CFLAR: variants seen among roughly 807,000 people sequenced by gnomAD.
CFLAR encodes CASP8 and FADD-like apoptosis regulator.
Under a neutral mutation model 51.1 loss-of-function variants are expected in CFLAR, and 14 were observed. That is an observed-to-expected ratio of 0.27 (90% CI 0.18 to 0.43). The LOEUF (loss-of-function observed/expected upper bound fraction) is 0.43, where lower values mean the gene tolerates loss of function less well. Ranked by LOEUF, CFLAR falls within the 20% of genes least tolerant of loss-of-function variation. The pLI is 1.00. For missense variants in CFLAR, 390 were observed against 566.5 expected, an observed-to-expected ratio of 0.69 and a Z score of 3.16; for synonymous variants, 210 against 211.6, an observed-to-expected ratio of 0.99 and a Z score of 0.06.
chr2:201,138,078 C>A lies in CFLAR; in HGVS notation c.523+1971C>A. On this transcript the variant is annotated intron_variant, in intron 4 of 9. Transcript: ENST00000309955. This position sits in a 1 kb window ranked among gnomAD's most constrained non-coding sequence, Gnocchi z 4.0. ...CACTTCCTGGTTGATGTAGATGGAG[C>A]CGCGCAGTCCATGCCCCTGCCCAGC... is the stretch of plus-strand genomic sequence containing the variant. The A allele has an allele frequency of 1.4e-6, 1 of 730,592 alleles. No homozygotes were observed. Among genetic ancestry groups the A allele is most frequent in the South Asian group, 1.4e-5 (1 of 69,774 alleles). The allele number at this position is 730,592 out of a possible 1,614,324, so 45.3% of individuals were successfully genotyped here.
At chr2:201,125,671 TG>T (rs2048606048) in intron 1 of CFLAR, among the ~76,000 whole-genome samples, 3 of 149,574 alleles carry the variant, frequency 2.0e-5, no homozygotes, top group Middle Eastern at 3.4e-3. Flanking sequence ...AGTTGTGGAG[TG>T]TTGGAGGTTT....
At position 201,170,650 on chromosome 2, in the gene CFLAR, AATCT is replaced by A. The variant is rs1222780716; in HGVS notation, c.*6678_*6681del. ...AATCTGTTATTCTCCACCACCACTC[AATCT>A]GTCTATCATCTATCTCTCCATTCAT... On this transcript the variant is annotated 3_prime_UTR_variant, in exon 10 of 10. Coordinates refer to ENST00000309955, the MANE Select transcript of CFLAR (RefSeq NM_003879.7). The A allele has an allele frequency of 2.6e-5, 4 of 152,192 alleles. No individual in the cohort carries two copies. The highest frequency in any genetic ancestry group is 5.9e-5 in the Non-Finnish European group (4 of 68,024). 9.4% of individuals were successfully genotyped at this position (152,192 alleles called of 1,614,324 possible).
Position 201,154,905 on chromosome 2 carries a change from G to T in CFLAR, c.793+5070G>T, listed in dbSNP as rs1453986966. On this transcript the variant is annotated intron_variant, in intron 8 of 9. Transcript: ENST00000309955. ...TGGAGTCTGATCTCAGAGCTGTGTT[G>T]TGCATGAAATAAGGTTATTCTTTGG... is the stretch of plus-strand genomic sequence containing the variant. 2.0e-5 allele frequency among the ~76,000 whole-genome samples: 3 copies of T among 152,250 alleles called. No individual in the cohort carries two copies. The East Asian group carries it at 5.8e-4, about 29-fold the overall frequency.
chr2:201,159,629 T>C (rs1261525952), intron 8 of CFLAR, among the ~76,000 whole-genome samples: 1 of 152,222 alleles, frequency 6.6e-6, no homozygotes, highest in Non-Finnish European at 1.5e-5. Context: ...GTTTAATCCT[T>C]AGTTGTGGGC....
chr2:201,169,692 T>C lies in CFLAR; in HGVS notation c.*5719T>C, dbSNP rs1943894396. On this transcript the variant is annotated 3_prime_UTR_variant, in exon 10 of 10. Transcript: ENST00000309955. ...CAACCTACAGAATGGGAGAACATTT[T>C]TGCAATCTATCCATCTGACAAAGGT... The C allele has an allele frequency of 6.6e-6, 1 of 152,160 alleles. No individual in the cohort carries two copies. Among genetic ancestry groups the C allele is most frequent in the South Asian group, 2.1e-4 (1 of 4,834 alleles). 9.4% of individuals were successfully genotyped at this position (152,160 alleles called of 1,614,324 possible). A position where few individuals can be genotyped will look rare whatever the true frequency, so the allele number is the denominator to read the frequency against.
rs1485650194 is a variant in CFLAR, at chr2:201,164,778, T to C, written c.*805T>C. The C allele has an allele frequency of 6.6e-6, 1 of 152,204 alleles. No individual in the cohort carries two copies. Among genetic ancestry groups the C allele is most frequent in the Non-Finnish European group, 1.5e-5 (1 of 68,032 alleles). The allele number at this position is 152,204 out of a possible 1,614,324, so 9.4% of individuals were successfully genotyped here. ...AGTCCATTTGGGCAACTATACCAAATTACCATAGACCAGGTGACTTAAACA... is the reference window on the plus strand; with the variant it reads ...AGTCCATTTGGGCAACTATACCAAACTACCATAGACCAGGTGACTTAAACA... On this transcript the variant is annotated 3_prime_UTR_variant, in exon 10 of 10. Coordinates refer to ENST00000309955, the MANE Select transcript of CFLAR (RefSeq NM_003879.7).
intron 1 of CFLAR, among the ~76,000 whole-genome samples, chr2:201,126,585 T>C (rs1168679779): frequency 6.6e-6 from 1 of 152,148 alleles, no homozygotes; most frequent in Admixed American, 6.6e-5. Context: ...AAAACAAGGT[T>C]GGGCATTACA....
At chr2:201,132,430 A>AAAAAAAT (rs34318341) in intron 2 of CFLAR, among the ~76,000 whole-genome samples, 166 of 137,962 alleles carry the variant, frequency 1.2e-3, no homozygotes, top group African/African-American at 4.2e-3. Context: ...GGGGGGGAAA[A>AAAAAAAT]ATATATATAT....
chr2:201,146,396 C>T (rs2125827819), intron 6 of CFLAR: 1 of 152,330 alleles, frequency 6.6e-6, no homozygotes, highest in South Asian at 2.1e-4. Flanking sequence ...ATCCACCCAC[C>T]TCGGTCTCCC....
In CFLAR at chr2:201,116,828, G is replaced by C. The variant is rs925619437; in HGVS notation, c.-138+347G>C. 6.6e-6 allele frequency: 1 copy of C among 152,224 alleles called. No homozygotes were observed. Among genetic ancestry groups the C allele is most frequent in the Non-Finnish European group, 1.5e-5 (1 of 68,100 alleles). 9.4% of individuals were successfully genotyped at this position (152,224 alleles called of 1,614,324 possible). A position where few individuals can be genotyped will look rare whatever the true frequency, so the allele number is the denominator to read the frequency against. On this transcript the variant is annotated intron_variant, in intron 1 of 9. Transcript: ENST00000309955. The surrounding 1 kb of genome is among the most constrained non-coding windows in gnomAD (Gnocchi z 4.8). ...CCGCCCCGGATTCCCAGAAAGGGGCGACCTGGGCCACAGCGGTACAAGCTG... is the reference window on the plus strand; with the variant it reads ...CCGCCCCGGATTCCCAGAAAGGGGCCACCTGGGCCACAGCGGTACAAGCTG...
At chr2:201,137,366 C>G (rs993677051) in intron 4 of CFLAR, 1 of 359,622 alleles carries the variant, frequency 2.8e-6, no homozygotes, top group Admixed American at 3.8e-5. Flanking sequence ...GGGCTGCAGA[C>G]CCCTCAGAGC....
At chr2:201,141,412 T>A (rs1451431452) in intron 5 of CFLAR, 1 of 1,559,050 alleles carries the variant, frequency 6.4e-7, no homozygotes, top group East Asian at 2.3e-5. Flanking sequence ...ATCTGAAAAT[T>A]CTTGGAAATT....
chr2:201,140,059 C>T (rs1359887829), intron 4 of CFLAR: 5 of 251,236 alleles, frequency 2.0e-5, no homozygotes, highest in Middle Eastern at 1.2e-3. Flanking sequence ...CCGACATAAA[C>T]GCTGCAGCTG....
At chr2:201,149,878 G>A (rs765595939) in intron 8 of CFLAR, 43 bp downstream of exon 8, 8 of 1,432,406 alleles carry the variant, frequency 5.6e-6, no homozygotes, top group African/African-American at 1.4e-5. Flanking sequence ...CCCAGATTGA[G>A]ATCATGGCAC....
Position 201,176,003 on chromosome 2 carries a change from A to T in CFLAR, c.*12030A>T, listed in dbSNP as rs963199494. 6.6e-6 allele frequency: 1 copy of T among 152,294 alleles called. No individual in the cohort carries two copies. Among genetic ancestry groups the T allele is most frequent in the Non-Finnish European group, 1.5e-5 (1 of 68,164 alleles). 9.4% of individuals were successfully genotyped at this position (152,294 alleles called of 1,614,324 possible). A position where few individuals can be genotyped will look rare whatever the true frequency, so the allele number is the denominator to read the frequency against. ...ATGCCTCTAATCCCAGCTACTCGGGAGGCTGAGGCAGGCGAATCAGTTGAA... is the reference window on the plus strand; with the variant it reads ...ATGCCTCTAATCCCAGCTACTCGGGTGGCTGAGGCAGGCGAATCAGTTGAA... On this transcript the variant is annotated 3_prime_UTR_variant, in exon 10 of 10. Transcript: ENST00000309955.
chr2:201,149,351 GC>G (rs2125849176), intron 7 of CFLAR: 1 of 306,724 alleles, frequency 3.3e-6, no homozygotes, highest in Non-Finnish European at 6.1e-6. Context: ...GCTTGTTCTG[GC>G]TTTTTCTTAG....
rs2047580139 is a variant in CFLAR at position 201,116,282 on chromosome 2, CT to C, written c.-333del. ...CACACAGTGAGTGCCGGCTATTGGA[CT>C]TTTGTCCAGTGACAGCTGAGACAAC... On this transcript the variant is annotated 5_prime_UTR_variant, in exon 1 of 10. Transcript: ENST00000309955. The surrounding 1 kb of genome is among the most constrained non-coding windows in gnomAD (Gnocchi z 4.8). 1 of 152,276 alleles carries C rather than the reference CT, an allele frequency of 6.6e-6. No individual in the cohort carries two copies. The highest frequency in any genetic ancestry group is 1.5e-5 in the Non-Finnish European group (1 of 68,054). 9.4% of individuals were successfully genotyped at this position (152,276 alleles called of 1,614,324 possible).
rs1200297457 is a variant in CFLAR at position 201,163,889 on chromosome 2, G to C, written c.1359G>C (p.Trp453Cys). ...HIELNGYMYD[W>C]NSRVSAKEKY... ...AACTCAATGGCTACATGTATGATTG[G>C]AACAGCAGAGTTTCTGCCAAGGAGA... The change falls in exon 10 of 10, where the codon TGG (tryptophan) becomes TGC (cysteine). Residue 453 changes from tryptophan to cysteine, a missense_variant. Physicochemically the swap from Trp to Cys is radical, Grantham distance 215. This residue lies in a region of CFLAR where 287 missense variants were observed against 363.6 expected (regional missense o/e 0.79). Coordinates refer to ENST00000309955, the MANE Select transcript of CFLAR (RefSeq NM_003879.7). 6.2e-7 allele frequency: 1 copy of C among 1,614,106 alleles called. No homozygotes were observed. Among genetic ancestry groups the C allele is most frequent in the South Asian group, 1.1e-5 (1 of 91,080 alleles).
At chr2:201,143,391 G>C (rs1575768303) in intron 5 of CFLAR, 1 of 152,180 alleles carries the variant, frequency 6.6e-6, no homozygotes, top group Admixed American at 6.5e-5. Flanking sequence ...AGAATCACTT[G>C]AACCTGAGAG....
Sources: gnomAD v4.1 joint callset for allele counts (sites outside exome capture counted in the v4.1 genomes callset) on GRCh38, gnomAD v4.1.1 for gene constraint, gnomAD v4.1.1 regional missense constraint, Gnocchi (gnomAD v3.1) non-coding constraint, MANE v1.5 for transcripts, NCBI Gene and HGNC (gene_info 2026-07-23, HGNC 2026-07-21) for gene names.